Variants in SAR1B observed in about 807,000 individuals in gnomAD.
SAR1B encodes the protein small COPII coat GTPase SAR1B.
Under a neutral mutation model 26.8 loss-of-function variants are expected in SAR1B, and 23 were observed. The observed-to-expected ratio is 0.86, with a 90% confidence interval of 0.62 to 1.22. SAR1B has a LOEUF of 1.22. Among genes scored for constraint, SAR1B ranks in the 50% most tolerant of loss-of-function variants. The pLI is 0.00. For synonymous variants in SAR1B, 65 were observed against 80.8 expected, an observed-to-expected ratio of 0.80 and a Z score of 1.05; for missense variants, 196 against 232.8, an observed-to-expected ratio of 0.84 and a Z score of 1.03.
chr5:134,615,144 C>T (rs1174403220), intron 3 of SAR1B, among the ~76,000 whole-genome samples: 3 of 151,778 alleles, frequency 2.0e-5, no homozygotes, highest in Admixed American at 1.3e-4. Context: ...GTCAGGAGAT[C>T]GAGACCATCC....
chr5:134,610,240 G>T (rs1765191262), intron 4 of SAR1B, among the ~76,000 whole-genome samples: 1 of 152,166 alleles, frequency 6.6e-6, no homozygotes, highest in Non-Finnish European at 1.5e-5. Flanking sequence ...GCCAAGGCAG[G>T]TGGATTGCTT....
chr5:134,607,395 C>G (rs983318411), intron 6 of SAR1B, among the ~76,000 whole-genome samples: 5 of 152,130 alleles, frequency 3.3e-5, no homozygotes, highest in African/African-American at 1.2e-4. Flanking sequence ...TATGACCAAA[C>G]AAAGCATTTC....
chr5:134,613,932 T>C lies in SAR1B; in HGVS notation c.179-1176A>G, dbSNP rs934324324. 10 of 152,404 alleles carry C rather than the reference T, an allele frequency of 6.6e-5. No homozygotes were observed. The South Asian group carries it at 1.0e-3, about 16-fold the overall frequency. 9.4% of individuals were successfully genotyped at this position (152,404 alleles called of 1,614,324 possible). Reference sequence around the variant, plus strand: ...TCTCTGTGCTTCATTCTGGAGTTTCTGTTGCATTGAGTTAAGTTTAGTGGT... The same window carrying C: ...TCTCTGTGCTTCATTCTGGAGTTTCCGTTGCATTGAGTTAAGTTTAGTGGT... On this transcript the variant is annotated intron_variant, in intron 3 of 6. Transcript: ENST00000402673.
chr5:134,629,514 T>C (rs1037725064), intron 1 of SAR1B, among the ~76,000 whole-genome samples: 13 of 152,142 alleles, frequency 8.5e-5, no homozygotes, highest in African/African-American at 2.4e-4. Context: ...CTGACTAACA[T>C]GGTAAAACAC....
rs183451324 is a variant in SAR1B at position 134,619,816 on chromosome 5, A to G, written c.178+1117T>C. ...CCATGTATAAAATTGTAATGTATCT[A>G]CTGAATTAGTGCTTAAAATAGTACA... is the stretch of plus-strand genomic sequence containing the variant. On this transcript the variant is annotated intron_variant, in intron 3 of 6. Transcript: ENST00000402673. 3.4e-3 allele frequency among the ~76,000 whole-genome samples: 511 copies of G among 152,204 alleles called. 5 individuals carry two copies. The highest frequency in any genetic ancestry group is 0.024 in the Middle Eastern group (7 of 294).
chr5:134,623,816 T>C (rs1765452306), intron 2 of SAR1B, 146 bp downstream of exon 2: 1 of 655,698 alleles, frequency 1.5e-6, no homozygotes, highest in Non-Finnish European at 2.8e-6. Context: ...CAATGAGTAA[T>C]TGAACATCTA....
intron 3 of SAR1B, among the ~76,000 whole-genome samples, chr5:134,616,437 C>CA (rs200324694): frequency 0.073 from 4,965 of 68,156 alleles, 106 homozygotes; most frequent in African/African-American, 0.13. Context: ...GACTTTGTCT[C>CA]AAAAAAAAAA....
rs2150047172 is a variant in SAR1B at position 134,601,620 on chromosome 5, C to CGTTAAG, written c.*5324_*5329dup. On this transcript the variant is annotated 3_prime_UTR_variant, in exon 7 of 7. Coordinates refer to ENST00000402673, the MANE Select transcript of SAR1B (RefSeq NM_016103.4). ...CAACACCAGGGAATACAGAAACCCA[C>CGTTAAG]GTTAAGTTGGCCATTCTGACATGAA... The CGTTAAG allele has an allele frequency of 6.6e-6, 1 of 152,272 alleles. No individual in the cohort carries two copies. The highest frequency in any genetic ancestry group is 2.4e-5 in the African/African-American group (1 of 41,546). 9.4% of individuals were successfully genotyped at this position (152,272 alleles called of 1,614,324 possible). A position where few individuals can be genotyped will look rare whatever the true frequency, so the allele number is the denominator to read the frequency against.
Position 134,605,623 on chromosome 5 carries a change from G to T in SAR1B, c.*1327C>A, listed in dbSNP as rs2150048564. ...AGTTTGAGACCAGCCTGGACAACAT[G>T]GTGAAACCCCGTCTCTAAAACAAAA... On this transcript the variant is annotated 3_prime_UTR_variant, in exon 7 of 7. Coordinates refer to ENST00000402673, the MANE Select transcript of SAR1B (RefSeq NM_016103.4). 2 of 142,830 alleles carry T rather than the reference G, an allele frequency of 1.4e-5. No homozygotes were observed. Among genetic ancestry groups the T allele is most frequent in the Non-Finnish European group, 3.0e-5 (2 of 66,424 alleles). 8.8% of individuals were successfully genotyped at this position (142,830 alleles called of 1,614,324 possible).
rs1765124848 is a variant in SAR1B at position 134,606,174 on chromosome 5, C to T, written c.*776G>A. On this transcript the variant is annotated 3_prime_UTR_variant, in exon 7 of 7. Coordinates refer to ENST00000402673, the MANE Select transcript of SAR1B (RefSeq NM_016103.4). ...ATCCCACAGGGACTAGGACACAGACCCCATCAGCAATGGTAGTGGCTGCAT... is the reference window on the plus strand; with the variant it reads ...ATCCCACAGGGACTAGGACACAGACTCCATCAGCAATGGTAGTGGCTGCAT... 1 of 152,366 alleles carries T rather than the reference C, an allele frequency of 6.6e-6. No homozygotes were observed. The highest frequency in any genetic ancestry group is 6.5e-5 in the Admixed American group (1 of 15,288). 9.4% of individuals were successfully genotyped at this position (152,366 alleles called of 1,614,324 possible). A position where few individuals can be genotyped will look rare whatever the true frequency, so the allele number is the denominator to read the frequency against.
rs1388987807 is a variant in SAR1B, at chr5:134,604,475, G to A, written c.*2475C>T. 6.6e-6 allele frequency: 1 copy of A among 152,226 alleles called. No homozygotes were observed. Among genetic ancestry groups the A allele is most frequent in the Non-Finnish European group, 1.5e-5 (1 of 68,054 alleles). 9.4% of individuals were successfully genotyped at this position (152,226 alleles called of 1,614,324 possible). ...CTCTTGAAAAAGAGCAGTACCCAGT[G>A]CATATACTCTGGAGAGGTTCTCAAA... On this transcript the variant is annotated 3_prime_UTR_variant, in exon 7 of 7. Transcript: ENST00000402673.
chr5:134,605,724 C>T lies in SAR1B; in HGVS notation c.*1226G>A, dbSNP rs1765115744. On this transcript the variant is annotated 3_prime_UTR_variant, in exon 7 of 7. Transcript: ENST00000402673. ...CTTTGTTGTATGGAGTAAGAACTAC[C>T]TGAGAGCAAATAAGAAAAAAGAAAA... is the stretch of plus-strand genomic sequence containing the variant. 1 of 149,586 alleles carries T rather than the reference C, an allele frequency of 6.7e-6. No homozygotes were observed. The highest frequency in any genetic ancestry group is 2.5e-5 in the African/African-American group (1 of 40,806). The allele number at this position is 149,586 out of a possible 1,614,324, so 9.3% of individuals were successfully genotyped here.
intron 1 of SAR1B, 95 bp from the exon 2 acceptor site, chr5:134,624,132 C>A: frequency 1.3e-6 from 1 of 758,730 alleles, no homozygotes; most frequent in South Asian, 1.4e-5. Context: ...GTAGATAATC[C>A]TACAGCAACT....
intron 6 of SAR1B, 117 bp from the exon 7 acceptor site, chr5:134,607,183 G>A (rs575625279): frequency 1.3e-6 from 1 of 792,740 alleles, no homozygotes; most frequent in East Asian, 2.5e-5. Flanking sequence ...ATCCATGACT[G>A]TGATAAAGTC....
chr5:134,629,696 C>CAAAAAAAA (rs1231594316), intron 1 of SAR1B, among the ~76,000 whole-genome samples: 4 of 148,722 alleles, frequency 2.7e-5, no homozygotes, highest in Non-Finnish European at 5.9e-5. Context: ...GACTCCATCT[C>CAAAAAAAA]AAAAAAACAA....
chr5:134,612,636 C>T, intron 4 of SAR1B, 55 bp downstream of exon 4: 2 of 1,085,186 alleles, frequency 1.8e-6, no homozygotes, highest in Middle Eastern at 4.0e-4. Context: ...CAGAGTGAGC[C>T]TGTCTAAAAA....
chr5:134,622,947 C>T (rs1180944928), intron 2 of SAR1B, among the ~76,000 whole-genome samples: 3 of 149,678 alleles, frequency 2.0e-5, no homozygotes, highest in Non-Finnish European at 3.0e-5. Flanking sequence ...CACGGTGAAA[C>T]CCCATCTCTA....
chr5:134,631,928 G>C (rs982345544), intron 1 of SAR1B: 1 of 152,284 alleles, frequency 6.6e-6, no homozygotes, highest in Non-Finnish European at 1.5e-5. Flanking sequence ...GACCGGATGC[G>C]GTGGCTCACG....
Position 134,605,939 on chromosome 5 carries a change from G to A in SAR1B, c.*1011C>T, listed in dbSNP as rs1411293066. 6.6e-6 allele frequency: 1 copy of A among 152,162 alleles called. No individual in the cohort carries two copies. The allele number at this position is 152,162 out of a possible 1,614,324, so 9.4% of individuals were successfully genotyped here. A position where few individuals can be genotyped will look rare whatever the true frequency, so the allele number is the denominator to read the frequency against. ...TCCTACTTATTGCTTGCCCCAGAGA[G>A]TACTGTTAAATGTACAGAGACTGGG... is the stretch of plus-strand genomic sequence containing the variant. On this transcript the variant is annotated 3_prime_UTR_variant, in exon 7 of 7. Transcript: ENST00000402673.
Sources: allele counts gnomAD v4.1 joint callset (sites outside exome capture counted in the v4.1 genomes callset), GRCh38; gene constraint gnomAD v4.1.1; transcripts MANE v1.5; gene names NCBI Gene and HGNC (gene_info 2026-07-23, HGNC 2026-07-21).